JARID2: variants seen among roughly 807,000 people sequenced by gnomAD.
The protein encoded by JARID2 is jumonji and AT-rich interaction domain containing 2.
JARID2 carries 21 observed loss-of-function variants against 125.6 expected under a neutral mutation model. The ratio of observed to expected loss-of-function variants is 0.17; its 90% confidence interval spans 0.12 to 0.24. The LOEUF (loss-of-function observed/expected upper bound fraction) is 0.24. Ranked by LOEUF, JARID2 falls within the 10% of genes least tolerant of loss-of-function variation. JARID2 has a pLI of 1.00. For synonymous variants in JARID2, 736 were observed against 661.6 expected (o/e 1.11, Z -1.73); for missense variants, 1,303 against 1,639.6 (o/e 0.79, Z 3.55).
intron 5 of JARID2, among the ~76,000 whole-genome samples, chr6:15,470,131 C>T (rs557429937): frequency 1.3e-5 from 2 of 148,926 alleles, no homozygotes; most frequent in South Asian, 2.1e-4. Flanking sequence ...GAGCAGAGAT[C>T]GTGCCACTGC....
rs1225240256 is a variant in JARID2, at chr6:15,521,792, A to ACAGT, written c.*1544_*1547dup. The ACAGT allele has an allele frequency of 6.6e-6, 1 of 152,346 alleles. No homozygotes were observed. Among genetic ancestry groups the ACAGT allele is most frequent in the East Asian group, 1.9e-4 (1 of 5,176 alleles). The allele number at this position is 152,346 out of a possible 1,614,324, so 9.4% of individuals were successfully genotyped here. A position where few individuals can be genotyped will look rare whatever the true frequency, so the allele number is the denominator to read the frequency against. On this transcript the variant is annotated 3_prime_UTR_variant, in exon 18 of 18. Transcript: ENST00000341776. Reference sequence around the variant, plus strand: ...TTTGGAATATTTAACAATTACAGAAACAGTCAAGTGTTTTCCAATGTGGTT... The same window carrying ACAGT: ...TTTGGAATATTTAACAATTACAGAAACAGTCAGTCAAGTGTTTTCCAATGTGGTT...
intron 3 of JARID2, among the ~76,000 whole-genome samples, chr6:15,410,607 G>A (rs534961029): frequency 6.6e-6 from 1 of 152,210 alleles, no homozygotes; most frequent in South Asian, 2.1e-4. Flanking sequence ...GGAACAGTTA[G>A]CCAAAGAGTT....
At chr6:15,247,570 T>C in intron 1 of JARID2, 1 of 984,662 alleles carries the variant, frequency 1.0e-6, no homozygotes, top group Non-Finnish European at 1.2e-6. Flanking sequence ...GAACATACCT[T>C]AGGAATAATG....
At chr6:15,457,796 T>C (rs1197632151) in intron 4 of JARID2, among the ~76,000 whole-genome samples, 2 of 152,110 alleles carry the variant, frequency 1.3e-5, no homozygotes, top group African/African-American at 2.4e-5. Flanking sequence ...CCTATACTAT[T>C]AATACTGGGA....
At chr6:15,351,992 C>T (rs575994459) in intron 1 of JARID2, among the ~76,000 whole-genome samples, 14 of 152,238 alleles carry the variant, frequency 9.2e-5, no homozygotes, top group Admixed American at 2.6e-4. Context: ...ATAATCACTG[C>T]GCCGAATCTG....
At chr6:15,465,929 G>T (rs6914503) in intron 4 of JARID2, among the ~76,000 whole-genome samples, 2 of 151,864 alleles carry the variant, frequency 1.3e-5, no homozygotes, top group Non-Finnish European at 2.9e-5. Context: ...TCAGCCTCCC[G>T]AGTAGCTGGG....
intron 3 of JARID2, among the ~76,000 whole-genome samples, chr6:15,451,024 G>T (rs113267374): frequency 0.031 from 4,686 of 152,244 alleles, 236 homozygotes; most frequent in African/African-American, 0.1. Flanking sequence ...TTAGCTGGGC[G>T]TGGTGGTGCA....
chr6:15,407,051 A>G (rs893766606), intron 2 of JARID2, among the ~76,000 whole-genome samples: 3 of 152,040 alleles, frequency 2.0e-5, no homozygotes, highest in African/African-American at 7.2e-5. Flanking sequence ...ACTTGAACCC[A>G]GGAGTTTGAG....
chr6:15,317,019 A>G (rs1762201521), intron 1 of JARID2, among the ~76,000 whole-genome samples: 2 of 152,070 alleles, frequency 1.3e-5, no homozygotes, highest in African/African-American at 4.8e-5. Context: ...CTTTTGGTCT[A>G]GAATGAATCT....
intron 1 of JARID2, among the ~76,000 whole-genome samples, chr6:15,312,868 C>T: frequency 6.6e-6 from 1 of 152,140 alleles, no homozygotes; most frequent in East Asian, 1.9e-4. Flanking sequence ...GAGAGATGAT[C>T]CAGCCAGATT....
intron 3 of JARID2, among the ~76,000 whole-genome samples, chr6:15,418,309 C>T (rs923910277): frequency 6.6e-6 from 1 of 151,472 alleles, no homozygotes; most frequent in Admixed American, 6.6e-5. Flanking sequence ...CCTCCGCCCT[C>T]CCGAGTTCAA....
chr6:15,439,054 G>A (rs1453513064), intron 3 of JARID2, among the ~76,000 whole-genome samples: 1 of 151,338 alleles, frequency 6.6e-6, no homozygotes, highest in African/African-American at 2.4e-5. Context: ...AAAAAGGTGT[G>A]GGGGGTGCTT....
chr6:15,296,956 A>G (rs1761437758), intron 1 of JARID2, among the ~76,000 whole-genome samples: 1 of 152,160 alleles, frequency 6.6e-6, no homozygotes, highest in Admixed American at 6.5e-5. Flanking sequence ...TCCTGCTTAC[A>G]TCCTGTGACT....
chr6:15,309,738 G>A (rs544273710), intron 1 of JARID2, among the ~76,000 whole-genome samples: 4 of 150,952 alleles, frequency 2.6e-5, no homozygotes, highest in Admixed American at 2.0e-4. Context: ...GCACAGGTGG[G>A]AGGGGCAACT....
At chr6:15,262,130 T>C (rs1164569424) in intron 1 of JARID2, among the ~76,000 whole-genome samples, 1 of 151,028 alleles carries the variant, frequency 6.6e-6, no homozygotes, top group Non-Finnish European at 1.5e-5. Flanking sequence ...GGAAAAGGTA[T>C]GTATAAATGA....
chr6:15,306,426 C>T (rs1207051185), intron 1 of JARID2, among the ~76,000 whole-genome samples: 1 of 148,858 alleles, frequency 6.7e-6, no homozygotes, highest in Non-Finnish European at 1.5e-5. Flanking sequence ...CCTCTGCCTC[C>T]TGGGTTCAAG....
At chr6:15,492,406 GGCTGCATAACTGGGGC>G (rs1426166697) in intron 6 of JARID2, among the ~76,000 whole-genome samples, 1 of 152,208 alleles carries the variant, frequency 6.6e-6, no homozygotes, top group Non-Finnish European at 1.5e-5. Context: ...GTAGTGCACT[GGCTGCATAACTGGGGC>G]TGTGTGGTTT....
At chr6:15,347,701 C>T (rs770535543) in intron 1 of JARID2, among the ~76,000 whole-genome samples, 2 of 152,114 alleles carry the variant, frequency 1.3e-5, no homozygotes, top group African/African-American at 2.4e-5. Flanking sequence ...CTCAAAAATC[C>T]TTTACTGGAC....
At position 15,482,425 on chromosome 6, in the gene JARID2, ATATT is replaced by A. The variant is rs1196079859; in HGVS notation, c.671-4877_671-4874del. ...GAATTAAAAGTTAAGACACTTTAAG[ATATT>A]TATTCATTTAAAAAATGACACAAAC... On this transcript the variant is annotated intron_variant, in intron 5 of 17. Transcript: ENST00000341776. 2.6e-5 allele frequency among the ~76,000 whole-genome samples: 4 copies of A among 152,348 alleles called. No individual in the cohort carries two copies. In the East Asian group the frequency reaches 5.8e-4, roughly 22 times the overall value.
Sources: gnomAD v4.1 joint callset for allele counts (sites outside exome capture counted in the v4.1 genomes callset) on GRCh38, gnomAD v4.1.1 for gene constraint, MANE v1.5 for transcripts, NCBI Gene and HGNC (gene_info 2026-07-23, HGNC 2026-07-21) for gene names.